The following COX10 variants were observed in gnomAD, a reference collection of about 807,000 sequenced individuals.
The protein encoded by COX10 is cytochrome c oxidase assembly factor heme A:farnesyltransferase COX10.
Under a neutral mutation model 37.3 loss-of-function variants are expected in COX10, and 27 were observed. That is an observed-to-expected ratio of 0.72 (90% CI 0.53 to 1.00). The LOEUF (loss-of-function observed/expected upper bound fraction) is 1.00. Among genes scored for constraint, COX10 ranks in the 50% least tolerant of loss-of-function variants. The pLI, the probability that COX10 is intolerant of heterozygous loss-of-function variation, is 0.00. For missense variants in COX10, 475 were observed against 563.2 expected (o/e 0.84, Z 1.59); for synonymous variants, 222 against 229.1 (o/e 0.97, Z 0.28).
intron 5 of COX10, among the ~76,000 whole-genome samples, chr17:14,171,901 C>T (rs1375282052): frequency 6.6e-6 from 1 of 152,086 alleles, no homozygotes; most frequent in Non-Finnish European, 1.5e-5. Flanking sequence ...CAAAGTCAGG[C>T]ACCTATAAGC....
At chr17:14,141,777 C>A (rs1597517920) in intron 4 of COX10, among the ~76,000 whole-genome samples, 1 of 151,856 alleles carries the variant, frequency 6.6e-6, no homozygotes, top group South Asian at 2.1e-4. Context: ...GTTATGAATT[C>A]TGTTGTTGTG....
At chr17:14,135,118 A>G (rs1248229971) in intron 4 of COX10, among the ~76,000 whole-genome samples, 9 of 151,764 alleles carry the variant, frequency 5.9e-5, no homozygotes, top group African/African-American at 2.2e-4. Context: ...GCTTCATACT[A>G]TATAGAGCTG....
chr17:14,158,270 G>C (rs145026592), intron 4 of COX10, among the ~76,000 whole-genome samples: 33 of 151,930 alleles, frequency 2.2e-4, no homozygotes, highest in African/African-American at 7.2e-4. Flanking sequence ...TTGTAGTATA[G>C]GATATGGGGA....
chr17:14,097,582 T>C (rs563182344), intron 3 of COX10, among the ~76,000 whole-genome samples: 15 of 152,276 alleles, frequency 9.9e-5, no homozygotes, highest in African/African-American at 3.4e-4. Flanking sequence ...CTGTGCTTCA[T>C]CACCCCATCA....
intron 4 of COX10, among the ~76,000 whole-genome samples, chr17:14,143,238 A>G (rs988944978): frequency 3.3e-5 from 5 of 152,168 alleles, no homozygotes; most frequent in African/African-American, 9.6e-5. Flanking sequence ...TTTAATGCAA[A>G]TACCATTATT....
intron 4 of COX10, among the ~76,000 whole-genome samples, chr17:14,111,922 A>G (rs970680033): frequency 5.9e-5 from 9 of 152,192 alleles, no homozygotes; most frequent in Non-Finnish European, 1.0e-4. Flanking sequence ...AGAACATACC[A>G]TAAGACCAGA....
intron 4 of COX10, among the ~76,000 whole-genome samples, chr17:14,113,585 G>T (rs1916051207): frequency 6.6e-6 from 1 of 152,022 alleles, no homozygotes; most frequent in African/African-American, 2.4e-5. Flanking sequence ...CAAGCCACAG[G>T]TACTGAATTT....
chr17:14,139,565 C>A (rs1471817900), intron 4 of COX10, among the ~76,000 whole-genome samples: 1 of 152,034 alleles, frequency 6.6e-6, no homozygotes, highest in Non-Finnish European at 1.5e-5. Flanking sequence ...TACACCTTTC[C>A]TATGCCTAAA....
At chr17:14,122,733 T>G (rs1916257384) in intron 4 of COX10, among the ~76,000 whole-genome samples, 1 of 152,180 alleles carries the variant, frequency 6.6e-6, no homozygotes, top group African/African-American at 2.4e-5. Flanking sequence ...CATCTCTTAG[T>G]CATGTTAAAC....
At chr17:14,200,984 C>T (rs1906526626) in intron 6 of COX10, among the ~76,000 whole-genome samples, 1 of 152,162 alleles carries the variant, frequency 6.6e-6, no homozygotes, top group African/African-American at 2.4e-5. Context: ...GCTGTAATCC[C>T]TTTGTGTTGT....
At chr17:14,203,536 A>G (rs1002830446) in intron 6 of COX10, among the ~76,000 whole-genome samples, 3 of 152,174 alleles carry the variant, frequency 2.0e-5, no homozygotes, top group East Asian at 3.9e-4. Context: ...AACAATGTGC[A>G]TTAAAAATCC....
At chr17:14,069,784 T>C in intron 1 of COX10, 136 bp downstream of exon 1, 1 of 1,036,248 alleles carries the variant, frequency 9.7e-7, no homozygotes, top group African/African-American at 1.6e-5. Context: ...GTGGGGGAAA[T>C]GACCTCTGGA....
chr17:14,191,419 G>A (rs1427681694), intron 5 of COX10, among the ~76,000 whole-genome samples: 1 of 151,708 alleles, frequency 6.6e-6, no homozygotes, highest in African/African-American at 2.4e-5. Context: ...CATTACAGAC[G>A]TTGTAATGAT....
At chr17:14,113,637 T>C (rs1916052147) in intron 4 of COX10, among the ~76,000 whole-genome samples, 1 of 152,154 alleles carries the variant, frequency 6.6e-6, no homozygotes, top group Admixed American at 6.6e-5. Context: ...AATTGTGTCT[T>C]CTTGAATTAT....
At chr17:14,145,233 G>A (rs1172125439) in intron 4 of COX10, among the ~76,000 whole-genome samples, 1 of 152,066 alleles carries the variant, frequency 6.6e-6, no homozygotes, top group East Asian at 1.9e-4. Context: ...TCTTGAGAGT[G>A]GACCAGATAT....
At chr17:14,165,146 A>G (rs1567605689) in intron 5 of COX10, among the ~76,000 whole-genome samples, 1 of 152,256 alleles carries the variant, frequency 6.6e-6, no homozygotes, top group Admixed American at 6.5e-5. Context: ...AGAGAAAAAC[A>G]TATAAATGTA....
chr17:14,157,263 T>G (rs1905061719), intron 4 of COX10, among the ~76,000 whole-genome samples: 1 of 152,250 alleles, frequency 6.6e-6, no homozygotes, highest in Non-Finnish European at 1.5e-5. Flanking sequence ...AAGCAGGTTC[T>G]GAATCTAACT....
At chr17:14,134,639 A>G (rs530866345) in intron 4 of COX10, among the ~76,000 whole-genome samples, 15 of 151,946 alleles carry the variant, frequency 9.9e-5, no homozygotes, top group Admixed American at 2.0e-4. Flanking sequence ...GGTGTAACAC[A>G]CTCTTGGAGA....
intron 5 of COX10, among the ~76,000 whole-genome samples, chr17:14,177,942 T>C (rs2856216): frequency 6.5e-4 from 57 of 87,336 alleles, no homozygotes; most frequent in East Asian, 3.9e-3. Flanking sequence ...CAGGGACCCA[T>C]GGCTTCCATT....
Sources: allele counts gnomAD v4.1 joint callset (sites outside exome capture counted in the v4.1 genomes callset), GRCh38; gene constraint gnomAD v4.1.1; transcripts MANE v1.5; gene names NCBI Gene and HGNC (gene_info 2026-07-23, HGNC 2026-07-21).